ATRN: variants seen among roughly 807,000 people sequenced by gnomAD.
ATRN encodes attractin.
ATRN carries 54 observed loss-of-function variants against 178.7 expected under a neutral mutation model. That is an observed-to-expected ratio of 0.30 (90% CI 0.24 to 0.38). The LOEUF (loss-of-function observed/expected upper bound fraction) is 0.38. Among genes scored for constraint, ATRN ranks in the 10% least tolerant of loss-of-function variants. ATRN has a pLI of 1.00. For synonymous variants in ATRN, 636 were observed against 663.0 expected (o/e 0.96, Z 0.63); for missense variants, 1,443 against 1,815.1 (o/e 0.79, Z 3.73).
rs919543996 is a variant in ATRN at position 3,547,329 on chromosome 20, G to T, written c.783G>T (p.Lys261Asn). Residue 261 changes from lysine (K) to asparagine (N), a missense_variant, in exon 5 of 29, where the codon AAG (lysine) becomes AAT (asparagine). Lys to Asn is a moderately conservative substitution (Grantham distance 94). Transcript: ENST00000262919. ...PNNCSGRGEC[K>N]ISNSSDTVEC... ...ACTGCTCAGGCCGAGGAGAGTGTAA[G>T]ATCAGTAATAGCAGCGATACTGTTG... 3 of 1,614,060 alleles carry T rather than the reference G, an allele frequency of 1.9e-6. No individual in the cohort carries two copies. The highest frequency in any genetic ancestry group is 2.7e-5 in the African/African-American group (2 of 74,938).
At chr20:3,598,623 T>C (rs1020819189) in intron 22 of ATRN, among the ~76,000 whole-genome samples, 3 of 152,234 alleles carry the variant, frequency 2.0e-5, no homozygotes, top group Non-Finnish European at 4.4e-5. Context: ...AAGCCCAACC[T>C]GCCTTAAGGT....
Position 3,491,046 on chromosome 20 carries a change from G to A in ATRN, c.410+19529G>A, listed in dbSNP as rs551863725. 3.0e-3 allele frequency: 2,990 copies of A among 994,776 alleles called. 8 individuals carry two copies. The highest frequency in any genetic ancestry group is 4.3e-3 in the Non-Finnish European group (2,707 of 636,304). 61.6% of individuals were successfully genotyped at this position (994,776 alleles called of 1,614,324 possible). ...GCCTCTCTTAAAAATTTTATGATTA[G>A]TTGTTTGCTGCTGGTTAAAGGAAAT... On this transcript the variant is annotated intron_variant, in intron 1 of 28. Coordinates refer to ENST00000262919, the MANE Select transcript of ATRN (RefSeq NM_139321.3).
rs866680889 is a variant in ATRN at position 3,561,142 on chromosome 20, G to A, written c.1447+237G>A. 2.6e-5 allele frequency among the ~76,000 whole-genome samples: 4 copies of A among 152,228 alleles called. No homozygotes were observed. In the South Asian group the frequency reaches 8.3e-4, roughly 32 times the overall value. On this transcript the variant is annotated intron_variant, in intron 8 of 28. Coordinates refer to ENST00000262919, the MANE Select transcript of ATRN (RefSeq NM_139321.3). Reference sequence around the variant, plus strand: ...TCAAGACCAGCCTGGCACCAACATGGTGAAACCCTGTCTCTACTAAAAATA... The same window carrying A: ...TCAAGACCAGCCTGGCACCAACATGATGAAACCCTGTCTCTACTAAAAATA...
chr20:3,511,762 A>G (rs2085131411), intron 1 of ATRN, among the ~76,000 whole-genome samples: 1 of 152,146 alleles, frequency 6.6e-6, no homozygotes, highest in Non-Finnish European at 1.5e-5. Context: ...ATTTGAAAAA[A>G]TCACACGTAG....
chr20:3,580,588 A>G (rs971377412), intron 15 of ATRN, among the ~76,000 whole-genome samples: 10 of 152,198 alleles, frequency 6.6e-5, no homozygotes, highest in African/African-American at 2.2e-4. Flanking sequence ...TGACCCCTGC[A>G]GGTGAGAAGG....
In ATRN at chr20:3,559,083, T is replaced by A. The variant is rs117987124; in HGVS notation, c.1113-310T>A. 4.9e-4 allele frequency among the ~76,000 whole-genome samples: 74 copies of A among 152,318 alleles called. 1 individual carries two copies. The East Asian group carries it at 0.014, about 28-fold the overall frequency. Reference sequence around the variant, plus strand: ...AAAGTTATTGTAATAAAATTTTGAGTCCCTTGAGTACAATGCAACCTTTAA... The same window carrying A: ...AAAGTTATTGTAATAAAATTTTGAGACCCTTGAGTACAATGCAACCTTTAA... On this transcript the variant is annotated intron_variant, in intron 6 of 28. Transcript: ENST00000262919.
intron 13 of ATRN, among the ~76,000 whole-genome samples, 156 bp from the exon 14 acceptor site, chr20:3,576,703 A>G (rs5017802): frequency 0.017 from 333 of 19,870 alleles, 4 homozygotes; most frequent in East Asian, 0.083. Flanking sequence ...CTGTCTATCT[A>G]TCTATCTATC....
In ATRN at chr20:3,472,009, AG is replaced by A. The variant is rs923845770; in HGVS notation, c.410+495del. ...TTTGTTGGCTGGAGATAAAAGGGAA[AG>A]GGTAGCATTGTAAGATATTAGGGAT... is the stretch of plus-strand genomic sequence containing the variant. On this transcript the variant is annotated intron_variant, in intron 1 of 28. Coordinates refer to ENST00000262919, the MANE Select transcript of ATRN (RefSeq NM_139321.3). Among the ~76,000 whole-genome samples the A allele has an allele frequency of 6.2e-4, 95 of 152,296 alleles. 1 individual carries two copies. Among genetic ancestry groups the A allele is most frequent in the African/African-American group, 2.2e-3 (92 of 41,576 alleles).
At chr20:3,587,897 G>A (rs1482906599) in intron 18 of ATRN, among the ~76,000 whole-genome samples, 4 of 152,264 alleles carry the variant, frequency 2.6e-5, no homozygotes, top group African/African-American at 9.6e-5. Flanking sequence ...CCAGGCTGGA[G>A]CGCAGTGGTG....
At chr20:3,529,844 G>GTA (rs1447194520) in intron 1 of ATRN, among the ~76,000 whole-genome samples, 1 of 152,142 alleles carries the variant, frequency 6.6e-6, no homozygotes, top group Non-Finnish European at 1.5e-5. Context: ...AATCAAATTG[G>GTA]TATAGCAGTC....
intron 4 of ATRN, 61 bp downstream of exon 4, chr20:3,545,951 C>G: frequency 6.4e-7 from 1 of 1,552,994 alleles, no homozygotes; most frequent in Non-Finnish European, 8.9e-7. Context: ...TATGTTTTAA[C>G]AACAATAATG....
At chr20:3,540,001 C>T (rs1284563692) in intron 2 of ATRN, among the ~76,000 whole-genome samples, 3 of 152,016 alleles carry the variant, frequency 2.0e-5, no homozygotes, top group African/African-American at 7.3e-5. Context: ...ACTGTAAGGC[C>T]CAGAATCATG....
intron 1 of ATRN, among the ~76,000 whole-genome samples, chr20:3,488,685 C>G (rs238724): frequency 0.13 from 20,515 of 152,114 alleles, 2,373 homozygotes; most frequent in African/African-American, 0.31. Flanking sequence ...TTTATTTTGG[C>G]TCTTCTTGGT....
rs2087112533 is a variant in ATRN at position 3,646,940 on chromosome 20, G to A, written c.*93G>A. On this transcript the variant is annotated 3_prime_UTR_variant, in exon 29 of 29. Transcript: ENST00000262919. ...GGCGTGGCGGGGAAATGGCTGTGCGGTGCGGGACGGAAGACTGGAAACCCT... is the reference window on the plus strand; with the variant it reads ...GGCGTGGCGGGGAAATGGCTGTGCGATGCGGGACGGAAGACTGGAAACCCT... 6 of 1,486,844 alleles carry A rather than the reference G, an allele frequency of 4.0e-6. No homozygotes were observed. The highest frequency in any genetic ancestry group is 4.5e-6 in the Non-Finnish European group (5 of 1,110,144). The allele number at this position is 1,486,844 out of a possible 1,614,324, so 92.1% of individuals were successfully genotyped here.
chr20:3,533,324 G>T (rs942597993), intron 1 of ATRN, among the ~76,000 whole-genome samples: 4 of 152,196 alleles, frequency 2.6e-5, no homozygotes, highest in Non-Finnish European at 5.9e-5. Flanking sequence ...GAGATTCATG[G>T]TTACACATCA....
intron 19 of ATRN, among the ~76,000 whole-genome samples, chr20:3,593,249 A>G (rs913790006): frequency 3.9e-5 from 6 of 152,100 alleles, no homozygotes; most frequent in African/African-American, 1.4e-4. Context: ...AATTTGCCTT[A>G]TTTTTCAGAG....
At position 3,624,705 on chromosome 20, in the gene ATRN, T is replaced by C. The variant is rs1412757704; in HGVS notation, c.3863+133T>C. ...ACAGATTAAATTTACTTCATATGTG[T>C]TCCTGAAAAGTTAGATGTCAGTTAC... On this transcript the variant is annotated intron_variant, in intron 25 of 28. Transcript: ENST00000262919. 1.2e-5 allele frequency: 9 copies of C among 762,540 alleles called. No individual in the cohort carries two copies. In the African/African-American group the frequency reaches 1.4e-4, roughly 12 times the overall value. The allele number at this position is 762,540 out of a possible 1,614,324, so 47.2% of individuals were successfully genotyped here.
intron 1 of ATRN, among the ~76,000 whole-genome samples, chr20:3,511,304 A>G (rs946272126): frequency 6.6e-6 from 1 of 152,198 alleles, no homozygotes; most frequent in African/African-American, 2.4e-5. Flanking sequence ...GAAAAGACTA[A>G]TAAAACTGAT....
At chr20:3,582,048 A>T (rs2086288601) in intron 15 of ATRN, 87 bp from the exon 16 acceptor site, 1 of 1,245,340 alleles carries the variant, frequency 8.0e-7, no homozygotes, top group Non-Finnish European at 1.1e-6. Context: ...GAAACTAGCC[A>T]GGGCAACATG....
Sources: gnomAD v4.1 joint callset for allele counts (sites outside exome capture counted in the v4.1 genomes callset) on GRCh38, gnomAD v4.1.1 for gene constraint, MANE v1.5 for transcripts, NCBI Gene and HGNC (gene_info 2026-07-23, HGNC 2026-07-21) for gene names.